Variants in PLCH1 observed in about 807,000 individuals in gnomAD.
PLCH1 encodes the protein phospholipase C eta 1.
PLCH1 carries 60 observed loss-of-function variants against 126.7 expected under a neutral mutation model. That is an observed-to-expected ratio of 0.47 (90% CI 0.38 to 0.59). The LOEUF (loss-of-function observed/expected upper bound fraction) is 0.59, where lower values mean the gene tolerates loss of function less well. Among genes scored for constraint, PLCH1 ranks in the 20% least tolerant of loss-of-function variants. The pLI is 0.00. For synonymous variants in PLCH1, 719 were observed against 734.9 expected, an observed-to-expected ratio of 0.98 and a Z score of 0.35; for missense variants, 1,723 against 2,040.0, an observed-to-expected ratio of 0.84 and a Z score of 2.99.
intron 6 of PLCH1, among the ~76,000 whole-genome samples, chr3:155,580,324 A>C (rs1229882538): frequency 1.3e-5 from 2 of 152,220 alleles, no homozygotes; most frequent in Non-Finnish European, 2.9e-5. Flanking sequence ...TACTTTTTTC[A>C]TTCTTGCTAA....
At chr3:155,652,188 C>T (rs1005024354) in intron 2 of PLCH1, among the ~76,000 whole-genome samples, 3 of 152,122 alleles carry the variant, frequency 2.0e-5, no homozygotes, top group Non-Finnish European at 2.9e-5. Context: ...GTGGGAAGCC[C>T]GTTAACTTTA....
Position 155,542,389 on chromosome 3 carries a change from G to A in PLCH1, c.1362+7398C>T, listed in dbSNP as rs543207514. On this transcript the variant is annotated intron_variant, in intron 10 of 22. Transcript: ENST00000460012. ...GGTAAACAAAGCAGCCTGGAAGCTC[G>A]AACTGGGTGGAGCCCACCACAGCTT... Among the ~76,000 whole-genome samples, 32 of 146,334 alleles carry A rather than the reference G, an allele frequency of 2.2e-4. 1 individual carries two copies. Among genetic ancestry groups the A allele is most frequent in the East Asian group, 9.7e-4 (5 of 5,174 alleles).
intron 21 of PLCH1, chr3:155,486,137 G>T: frequency 6.6e-7 from 1 of 1,518,852 alleles, no homozygotes; most frequent in South Asian, 1.2e-5. Flanking sequence ...GCACCATGCT[G>T]AGAAACTACC....
intron 6 of PLCH1, among the ~76,000 whole-genome samples, chr3:155,573,532 T>C (rs1729536131): frequency 6.6e-6 from 1 of 152,292 alleles, no homozygotes; most frequent in African/African-American, 2.4e-5. Flanking sequence ...CACCCACATG[T>C]CTGTGGTTGG....
chr3:155,692,459 A>ATGGATGG (rs1553758577), intron 2 of PLCH1, among the ~76,000 whole-genome samples: 4 of 151,644 alleles, frequency 2.6e-5, no homozygotes, highest in African/African-American at 9.7e-5. Flanking sequence ...TGAATGAATG[A>ATGGATGG]ATGGATGGAT....
At chr3:155,587,264 C>T (rs1361212869) in intron 4 of PLCH1, among the ~76,000 whole-genome samples, 1 of 152,194 alleles carries the variant, frequency 6.6e-6, no homozygotes, top group Non-Finnish European at 1.5e-5. Flanking sequence ...TTCTCCTATG[C>T]CCTTTTACCT....
At chr3:155,530,897 G>C (rs771346609) in intron 10 of PLCH1, among the ~76,000 whole-genome samples, 2 of 152,174 alleles carry the variant, frequency 1.3e-5, no homozygotes, top group Non-Finnish European at 2.9e-5. Context: ...AGAACAACGA[G>C]CTACAGAATA....
rs754240980 is a variant in PLCH1 at position 155,523,889 on chromosome 3, C to T, written c.1470+8G>A. 1 of 1,508,484 alleles carries T rather than the reference C, an allele frequency of 6.6e-7. No homozygotes were observed. The highest frequency in any genetic ancestry group is 1.2e-5 in the South Asian group (1 of 85,692). 93.4% of individuals were successfully genotyped at this position (1,508,484 alleles called of 1,614,324 possible). Reference sequence around the variant, plus strand: ...AGGATAAAAAATATGGTCATGCCTGCAACTTACATAATGGAGCTTGAATTT... The same window carrying T: ...AGGATAAAAAATATGGTCATGCCTGTAACTTACATAATGGAGCTTGAATTT... On this transcript the variant is annotated splice_region_variant and intron_variant, in intron 11 of 22. Coordinates refer to ENST00000460012, the MANE Select transcript of PLCH1 (RefSeq NM_014996.4).
chr3:155,741,684 C>CTTTTATTTATTT, intron 1 of PLCH1, among the ~76,000 whole-genome samples: 1 of 102,862 alleles, frequency 9.7e-6, no homozygotes, highest in African/African-American at 4.8e-5. Context: ...TTTATATCCT[C>CTTTTATTTATTT]TTTTTTTTTT....
intron 2 of PLCH1, among the ~76,000 whole-genome samples, chr3:155,614,444 C>G (rs1232787329): frequency 6.7e-6 from 1 of 150,064 alleles, no homozygotes; most frequent in Non-Finnish European, 1.5e-5. Flanking sequence ...GATATAAAAA[C>G]AGGCACACAG....
chr3:155,548,685 A>G (rs1725708127), intron 10 of PLCH1, among the ~76,000 whole-genome samples: 1 of 152,236 alleles, frequency 6.6e-6, no homozygotes, highest in African/African-American at 2.4e-5. Flanking sequence ...TTTTTACTAT[A>G]AAAGTTTGCT....
Position 155,737,164 on chromosome 3 carries a change from G to C in PLCH1, c.-41+7676C>G, listed in dbSNP as rs188378328. On this transcript the variant is annotated intron_variant, in intron 1 of 22. Coordinates refer to ENST00000460012, the MANE Select transcript of PLCH1 (RefSeq NM_014996.4). ...GGAGAATCGCATGAATCCGGAAAGC[G>C]GAGGTTGCAGTGAGCCGAGATCACG... 1.4e-3 allele frequency among the ~76,000 whole-genome samples: 194 copies of C among 143,374 alleles called. 1 individual carries two copies. The highest frequency in any genetic ancestry group is 4.7e-3 in the African/African-American group (186 of 39,306). 94.1% of individuals were successfully genotyped at this position (143,374 alleles called of 152,430 possible). A position where few individuals can be genotyped will look rare whatever the true frequency, so the allele number is the denominator to read the frequency against.
At chr3:155,699,294 CT>C (rs1278933347) in intron 2 of PLCH1, among the ~76,000 whole-genome samples, 1 of 152,130 alleles carries the variant, frequency 6.6e-6, no homozygotes, top group Non-Finnish European at 1.5e-5. Context: ...CCAGGCTGGT[CT>C]CAAACTCCTG....
At chr3:155,487,803 A>C (rs146978103) in intron 21 of PLCH1, among the ~76,000 whole-genome samples, 2 of 152,338 alleles carry the variant, frequency 1.3e-5, no homozygotes, top group East Asian at 3.9e-4. Flanking sequence ...TTAAGCCCAG[A>C]GAGGGCCCCT....
chr3:155,565,698 A>ATT (rs869202446), intron 7 of PLCH1, among the ~76,000 whole-genome samples: 13 of 98,578 alleles, frequency 1.3e-4, no homozygotes, highest in Non-Finnish European at 2.2e-4. Flanking sequence ...TATTTTATTT[A>ATT]TTTATTTTTT....
intron 2 of PLCH1, among the ~76,000 whole-genome samples, chr3:155,660,654 G>A (rs1458208142): frequency 6.6e-6 from 1 of 152,094 alleles, no homozygotes; most frequent in African/African-American, 2.4e-5. Context: ...TGGGGGTAGG[G>A]GGTTTGCCCT....
chr3:155,458,464 A>G (rs1437208628), intron 21 of PLCH1, among the ~76,000 whole-genome samples: 1 of 105,504 alleles, frequency 9.5e-6, no homozygotes, highest in Non-Finnish European at 1.7e-5. Flanking sequence ...GAAAGAAAGA[A>G]AGAAAGAAAG....
intron 10 of PLCH1, among the ~76,000 whole-genome samples, chr3:155,547,986 A>G (rs1408172631): frequency 1.3e-5 from 2 of 151,926 alleles, no homozygotes; most frequent in Non-Finnish European, 2.9e-5. Context: ...ACATGTATAC[A>G]TATGTAACTA....
chr3:155,700,590 T>C (rs1746200787), intron 2 of PLCH1, among the ~76,000 whole-genome samples: 1 of 152,204 alleles, frequency 6.6e-6, no homozygotes, highest in Admixed American at 6.5e-5. Flanking sequence ...CAATTAATAC[T>C]TTTTCCAATA....
Sources: gnomAD v4.1 joint callset for allele counts (sites outside exome capture counted in the v4.1 genomes callset) on GRCh38, gnomAD v4.1.1 for gene constraint, MANE v1.5 for transcripts, NCBI Gene and HGNC (gene_info 2026-07-23, HGNC 2026-07-21) for gene names.